SPG11: variants seen among roughly 807,000 people sequenced by gnomAD.
The protein encoded by SPG11 is spatacsin.
A neutral mutation model predicts 274.0 loss-of-function variants in SPG11; 222 were observed. The ratio of observed to expected loss-of-function variants is 0.81; its 90% CI spans 0.73 to 0.91. SPG11 has a LOEUF of 0.91. Among genes scored for constraint, SPG11 ranks in the 40% least tolerant of loss-of-function variants. The pLI, the probability that SPG11 is intolerant of heterozygous loss-of-function variation, is 0.00. For missense variants in SPG11, 3,114 were observed against 2,872.7 expected, an observed-to-expected ratio of 1.08 and a Z score of -1.92; for synonymous variants, 1,144 against 1,039.7, an observed-to-expected ratio of 1.10 and a Z score of -1.93.
At chr15:44,649,088 TACTC>T (rs2084688319) in intron 6 of SPG11, 77 bp from the exon 7 acceptor site, 1 of 1,079,792 alleles carries the variant, frequency 9.3e-7, no homozygotes, top group Non-Finnish European at 1.4e-6. Flanking sequence ...GATTTTTAAT[TACTC>T]AATACTTCAG....
At chr15:44,635,898 CAG>C (rs948803501) in intron 7 of SPG11, among the ~76,000 whole-genome samples, 5 of 150,334 alleles carry the variant, frequency 3.3e-5, no homozygotes, top group African/African-American at 1.2e-4. Flanking sequence ...GCCTGAGTGA[CAG>C]AGTGAGACTC....
intron 10 of SPG11, 25 bp from the exon 11 acceptor site, chr15:44,626,532 TTTAAG>T (rs1249109092): frequency 6.2e-7 from 1 of 1,610,648 alleles, no homozygotes; most frequent in East Asian, 2.2e-5. Context: ...ACGTTTGCCT[TTTAAG>T]TTCTTTTTCA....
chr15:44,596,995 T>A, intron 23 of SPG11, 52 bp from the exon 24 acceptor site: 1 of 1,567,444 alleles, frequency 6.4e-7, no homozygotes. Flanking sequence ...AAAAACTCAT[T>A]AAAATATAGC....
chr15:44,577,462 C>T lies in SPG11; in HGVS notation c.5867-2421G>A, dbSNP rs1165524769. 2.1e-5 allele frequency among the ~76,000 whole-genome samples: 3 copies of T among 140,284 alleles called. No homozygotes were observed. The East Asian group carries it at 6.5e-4, about 30-fold the overall frequency. 92.0% of individuals were successfully genotyped at this position (140,284 alleles called of 152,430 possible). On this transcript the variant is annotated intron_variant, in intron 30 of 39. Coordinates refer to ENST00000261866, the MANE Select transcript of SPG11 (RefSeq NM_025137.4). ...AGTCTGCAGTGAGCCATGTTTGCAC[C>T]ACTGCACTCCAGCCTGGGCAACAGA...
At chr15:44,566,548 C>A (rs1303607244) in intron 36 of SPG11, among the ~76,000 whole-genome samples, 2 of 152,208 alleles carry the variant, frequency 1.3e-5, no homozygotes, top group Non-Finnish European at 2.9e-5. Flanking sequence ...GGAAGGCTTA[C>A]ATGGTATCAA....
At position 44,573,735 on chromosome 15, in the gene SPG11, C is replaced by T. The variant is rs1179229360; in HGVS notation, c.6017G>A (p.Cys2006Tyr). ...CTGAGCAGCAACATCTGTGTAGGAA[C>T]AGCCCAACTCCTGAGAGGAAGACAA... ...CLYDLAKELG[C>Y]SYTDVAAQDG... Residue 2006 changes from cysteine to tyrosine, a missense_variant, in exon 32 of 40, where the codon TGT becomes TAT. Physicochemically the swap from Cys to Tyr is radical, Grantham distance 194. Coordinates refer to ENST00000261866, the MANE Select transcript of SPG11 (RefSeq NM_025137.4). 6.8e-6 allele frequency: 11 copies of T among 1,614,094 alleles called. No homozygotes were observed. Among genetic ancestry groups the T allele is most frequent in the Non-Finnish European group, 9.3e-6 (11 of 1,180,038 alleles).
intron 30 of SPG11, among the ~76,000 whole-genome samples, chr15:44,577,897 G>A (rs1447161564): frequency 1.3e-5 from 2 of 152,182 alleles, no homozygotes; most frequent in East Asian, 1.9e-4. Context: ...AGAGTGGAAA[G>A]GGGAACTCCT....
chr15:44,567,800 T>C (rs771501921), intron 35 of SPG11, among the ~76,000 whole-genome samples: 22 of 152,212 alleles, frequency 1.4e-4, no homozygotes, highest in Non-Finnish European at 2.8e-4. Flanking sequence ...GCAAAACTTT[T>C]TCTAAAGGGA....
chr15:44,589,973 A>AT (rs1222358288), intron 27 of SPG11, among the ~76,000 whole-genome samples: 8 of 151,914 alleles, frequency 5.3e-5, no homozygotes, highest in African/African-American at 1.7e-4. Context: ...CGCCTGGCTA[A>AT]TTTTTTTGTA....
intron 9 of SPG11, 133 bp from the exon 10 acceptor site, chr15:44,628,977 T>A: frequency 1.0e-6 from 1 of 992,874 alleles, no homozygotes; most frequent in Non-Finnish European, 1.5e-6. Context: ...GTCTGAGGAT[T>A]TTCCTTTTTA....
At chr15:44,612,745 C>G (rs1459632512) in intron 17 of SPG11, among the ~76,000 whole-genome samples, 1 of 151,534 alleles carries the variant, frequency 6.6e-6, no homozygotes, top group African/African-American at 2.4e-5. Flanking sequence ...TTTTTTTTAA[C>G]AATGAACATA....
intron 21 of SPG11, among the ~76,000 whole-genome samples, chr15:44,599,309 A>AT (rs1053885092): frequency 2.9e-4 from 44 of 152,094 alleles, no homozygotes; most frequent in Admixed American, 2.8e-3. Flanking sequence ...TTTTATTATT[A>AT]TTTTTTTGAG....
intron 10 of SPG11, 37 bp from the exon 11 acceptor site, chr15:44,626,544 T>C (rs1196256447): frequency 5.0e-6 from 8 of 1,595,314 alleles, no homozygotes; most frequent in Non-Finnish European, 6.9e-6. Context: ...TAAGTTCTTT[T>C]TCATTTCCTT....
chr15:44,572,074 C>T (rs1440616704), intron 33 of SPG11, among the ~76,000 whole-genome samples: 1 of 152,228 alleles, frequency 6.6e-6, no homozygotes, highest in African/African-American at 2.4e-5. Flanking sequence ...GGATTACAGG[C>T]GTGGGCCACT....
At position 44,648,997 on chromosome 15, in the gene SPG11, G is replaced by T; in HGVS notation, c.1471C>A (p.Leu491Met). The T allele has an allele frequency of 6.2e-7, 1 of 1,613,264 alleles. No individual in the cohort carries two copies. The highest frequency in any genetic ancestry group is 1.7e-5 in the Admixed American group (1 of 59,998). ...CFVLTENGLSLILFGLTQEEF... is the reference protein window; with the variant it reads ...CFVLTENGLSMILFGLTQEEF... ...TCTTGAGTCAAACCAAACAAAATCA[G>T]AGAGAGTCCATTCTCTATAGGAAAA... Residue 491 changes from leucine to methionine, a missense_variant, in exon 7 of 40, where the codon CTG becomes ATG. Physicochemically the swap from Leu to Met is conservative, Grantham distance 15 (BLOSUM62 2). Transcript: ENST00000261866.
At chr15:44,654,981 G>A (rs527925981) in intron 4 of SPG11, among the ~76,000 whole-genome samples, 1 of 152,334 alleles carries the variant, frequency 6.6e-6, no homozygotes, top group Non-Finnish European at 1.5e-5. Flanking sequence ...ATTAGCTGTA[G>A]TATATACTGT....
At chr15:44,657,402 T>C in intron 3 of SPG11, 106 bp from the exon 4 acceptor site, 1 of 1,042,382 alleles carries the variant, frequency 9.6e-7, no homozygotes, top group Non-Finnish European at 1.4e-6. Flanking sequence ...ATTTTGTAGG[T>C]ATAACAGAAG....
At chr15:44,567,274 C>T in intron 36 of SPG11, 150 bp downstream of exon 36, 1 of 743,526 alleles carries the variant, frequency 1.3e-6, no homozygotes, top group South Asian at 1.7e-5. Context: ...TCACTTGAAC[C>T]TGGGAGGCGG....
chr15:44,595,298 C>T lies in SPG11; in HGVS notation c.4596G>A (p.Lys1532=). 1 of 1,614,212 alleles carries T rather than the reference C, an allele frequency of 6.2e-7. No homozygotes were observed. The highest frequency in any genetic ancestry group is 8.5e-7 in the Non-Finnish European group (1 of 1,180,038). ...VIWRTLLTRQ[K]SKTLIRGFQL... ...GGAAACCTCTGATGAGAGTTTTGCT[C>T]TTTTGTCTTGTTAATAATGTTCTCC... The change falls in exon 26 of 40, where the codon AAG becomes AAA. Residue 1532 remains lysine (K), a synonymous_variant. Transcript: ENST00000261866.
Sources: allele counts gnomAD v4.1 joint callset (sites outside exome capture counted in the v4.1 genomes callset), GRCh38; gene constraint gnomAD v4.1.1; transcripts MANE v1.5; gene names NCBI Gene and HGNC (gene_info 2026-07-23, HGNC 2026-07-21).